Variants in MSRA observed in about 807,000 individuals in gnomAD.
MSRA encodes the protein mitochondrial peptide methionine sulfoxide reductase.
A neutral mutation model predicts 31.3 loss-of-function variants in MSRA; 54 were observed. The ratio of observed to expected loss-of-function variants is 1.73; its 90% CI spans 1.39 to 2.17. The LOEUF (loss-of-function observed/expected upper bound fraction) is 2.17, where lower values mean the gene tolerates loss of function less well. MSRA is among the 30% of genes most tolerant of loss of function. The probability of loss-of-function intolerance (pLI) is 0.00; values close to 1 mark genes in which losing one functional copy is unlikely to be tolerated. For synonymous variants in MSRA, 169 were observed against 116.5 expected (o/e 1.45, Z -2.90); for missense variants, 507 against 300.9 (o/e 1.69, Z -5.07).
intron 1 of MSRA, among the ~76,000 whole-genome samples, chr8:10,131,421 G>A (rs1801886391): frequency 6.6e-6 from 1 of 152,212 alleles, no homozygotes; most frequent in Non-Finnish European, 1.5e-5. Flanking sequence ...TAGCTTTCAG[G>A]AAGAAAAGAA....
chr8:10,079,091 G>A (rs1040976675), intron 1 of MSRA, among the ~76,000 whole-genome samples: 6 of 152,122 alleles, frequency 3.9e-5, no homozygotes, highest in South Asian at 4.2e-4. Context: ...AGAGTTTAGC[G>A]TTGCCCGCAG....
intron 5 of MSRA, among the ~76,000 whole-genome samples, chr8:10,368,994 C>T (rs529785078): frequency 6.6e-6 from 1 of 152,106 alleles, no homozygotes; most frequent in Admixed American, 6.6e-5. Context: ...GACCAACACC[C>T]GCAAGTGTGT....
chr8:10,308,918 T>A (rs1299968009), intron 4 of MSRA, among the ~76,000 whole-genome samples: 1 of 152,188 alleles, frequency 6.6e-6, no homozygotes. Context: ...GGAATTAGGA[T>A]TATAAAACAT....
intron 3 of MSRA, among the ~76,000 whole-genome samples, chr8:10,267,352 G>A (rs1036905047): frequency 1.3e-5 from 2 of 152,320 alleles, no homozygotes; most frequent in African/African-American, 4.8e-5. Flanking sequence ...TGCAGTGGCT[G>A]GGGAGAGCAA....
intron 1 of MSRA, among the ~76,000 whole-genome samples, chr8:10,204,345 C>T (rs1206899386): frequency 6.6e-6 from 1 of 152,210 alleles, no homozygotes; most frequent in Non-Finnish European, 1.5e-5. Context: ...ACCCACTCAC[C>T]ACTCATTGAC....
chr8:10,124,358 A>G (rs1285878072), intron 1 of MSRA, among the ~76,000 whole-genome samples: 3 of 152,154 alleles, frequency 2.0e-5, no homozygotes, highest in Non-Finnish European at 4.4e-5. Flanking sequence ...AGGAGAGGGG[A>G]ATGGTGGTTT....
chr8:10,357,107 T>C (rs1804554182), intron 5 of MSRA, among the ~76,000 whole-genome samples: 1 of 152,212 alleles, frequency 6.6e-6, no homozygotes, highest in Non-Finnish European at 1.5e-5. Context: ...AACAAAGTAG[T>C]GATGCTTTTC....
intron 1 of MSRA, among the ~76,000 whole-genome samples, chr8:10,190,851 C>T (rs183196532): frequency 1.9e-3 from 291 of 152,214 alleles, no homozygotes; most frequent in Non-Finnish European, 3.4e-3. Context: ...TTACTCATCC[C>T]GTCCTTACGT....
At chr8:10,389,614 C>G (rs112242256) in intron 5 of MSRA, among the ~76,000 whole-genome samples, 53 of 152,318 alleles carry the variant, frequency 3.5e-4, no homozygotes, top group Middle Eastern at 3.4e-3. Flanking sequence ...GCCCACCCAC[C>G]GGGGAGCAGG....
At chr8:10,396,249 C>T (rs565616821) in intron 5 of MSRA, among the ~76,000 whole-genome samples, 9 of 152,342 alleles carry the variant, frequency 5.9e-5, no homozygotes, top group African/African-American at 2.2e-4. Context: ...CCACTGCTGC[C>T]GTTCTCAGGT....
At chr8:10,213,732 G>A (rs1245166106) in intron 2 of MSRA, among the ~76,000 whole-genome samples, 1 of 152,060 alleles carries the variant, frequency 6.6e-6, no homozygotes, top group Admixed American at 6.5e-5. Context: ...TTCTGTGGAT[G>A]GACACTTAGG....
rs1349923376 is a variant in MSRA at position 10,382,729 on chromosome 8, G to A, written c.544-45419G>A. Among the ~76,000 whole-genome samples the A allele has an allele frequency of 1.3e-5, 2 of 152,194 alleles. 1 individual carries two copies. The highest frequency in any genetic ancestry group is 4.1e-4 in the South Asian group (2 of 4,828). Reference sequence around the variant, plus strand: ...CGAATGGGCTAAAGGTCATTCAGGGGCAAGAATGGCATTTCTGGACTCTTC... The same window carrying A: ...CGAATGGGCTAAAGGTCATTCAGGGACAAGAATGGCATTTCTGGACTCTTC... On this transcript the variant is annotated intron_variant, in intron 5 of 5. Transcript: ENST00000317173.
chr8:10,227,320 C>A (rs1290599548), intron 2 of MSRA, among the ~76,000 whole-genome samples: 2 of 152,162 alleles, frequency 1.3e-5, no homozygotes, highest in Non-Finnish European at 2.9e-5. Flanking sequence ...AAGGAAGAAA[C>A]ATACCAGGGG....
intron 3 of MSRA, among the ~76,000 whole-genome samples, chr8:10,298,484 G>A (rs1446178467): frequency 6.6e-6 from 1 of 152,122 alleles, no homozygotes; most frequent in East Asian, 1.9e-4. Flanking sequence ...GGCAAGGGGA[G>A]TTGATATTTA....
chr8:10,198,100 C>T (rs970748976), intron 1 of MSRA, among the ~76,000 whole-genome samples: 2 of 152,088 alleles, frequency 1.3e-5, no homozygotes, highest in African/African-American at 4.8e-5. Context: ...TTCCTTTTTT[C>T]AAGCGTTGCT....
intron 1 of MSRA, among the ~76,000 whole-genome samples, chr8:10,139,549 C>A (rs750671138): frequency 8.5e-5 from 13 of 152,142 alleles, no homozygotes; most frequent in Admixed American, 2.0e-4. Context: ...TCCCCGATAT[C>A]TGTTTTTACA....
chr8:10,398,205 A>AG (rs1311550668), intron 5 of MSRA, among the ~76,000 whole-genome samples: 1 of 152,218 alleles, frequency 6.6e-6, no homozygotes, highest in Non-Finnish European at 1.5e-5. Flanking sequence ...CGCTCAGTCC[A>AG]GGGATTCCTC....
chr8:10,201,406 A>G (rs1335706363), intron 1 of MSRA, among the ~76,000 whole-genome samples: 1 of 152,162 alleles, frequency 6.6e-6, no homozygotes, highest in Non-Finnish European at 1.5e-5. Flanking sequence ...GTGGCTAACC[A>G]GGACTCCCAA....
chr8:10,427,076 G>A (rs1042521834), intron 5 of MSRA, among the ~76,000 whole-genome samples: 12 of 152,248 alleles, frequency 7.9e-5, no homozygotes, highest in Non-Finnish European at 1.6e-4. Flanking sequence ...ATTAATATTG[G>A]ATGCACTGTG....
Sources: gnomAD v4.1 joint callset for allele counts (sites outside exome capture counted in the v4.1 genomes callset) on GRCh38, gnomAD v4.1.1 for gene constraint, MANE v1.5 for transcripts, NCBI Gene and HGNC (gene_info 2026-07-23, HGNC 2026-07-21) for gene names.